The following MRPL15 variants were observed in gnomAD, a reference collection of about 807,000 sequenced individuals.
MRPL15 encodes the protein large ribosomal subunit protein uL15m.
MRPL15 carries 24 observed loss-of-function variants against 28.0 expected under a neutral mutation model. The ratio of observed to expected loss-of-function variants is 0.86; its 90% CI spans 0.62 to 1.21. The LOEUF (loss-of-function observed/expected upper bound fraction) is 1.21. Ranked by LOEUF, MRPL15 falls within the 50% of genes most tolerant of loss-of-function variation. MRPL15 has a pLI of 0.00. For synonymous variants in MRPL15, 124 were observed against 137.0 expected, an observed-to-expected ratio of 0.90 and a Z score of 0.66; for missense variants, 343 against 372.4, an observed-to-expected ratio of 0.92 and a Z score of 0.65.
At chr8:54,147,142 G>T in intron 4 of MRPL15, among the ~76,000 whole-genome samples, 1 of 152,142 alleles carries the variant, frequency 6.6e-6, no homozygotes, top group East Asian at 1.9e-4. Context: ...TGAGGCAGGA[G>T]AATTGCTTGA....
chr8:54,140,794 G>C (rs1469129090), intron 3 of MRPL15, among the ~76,000 whole-genome samples: 1 of 151,358 alleles, frequency 6.6e-6, no homozygotes, highest in Non-Finnish European at 1.5e-5. Context: ...GTGTTAGCCA[G>C]GGTGGTCTTG....
chr8:54,145,790 A>G (rs190746289), intron 4 of MRPL15, among the ~76,000 whole-genome samples: 10 of 152,320 alleles, frequency 6.6e-5, no homozygotes, highest in Non-Finnish European at 7.4e-5. Flanking sequence ...TTTCTTAAAT[A>G]TATTTTGAAG....
intron 2 of MRPL15, among the ~76,000 whole-genome samples, chr8:54,137,054 T>TA (rs1171845174): frequency 2.0e-5 from 3 of 152,178 alleles, no homozygotes; most frequent in Non-Finnish European, 4.4e-5. Flanking sequence ...AGTAAATGCT[T>TA]AGAGAGGGAA....
intron 3 of MRPL15, among the ~76,000 whole-genome samples, chr8:54,139,340 AC>A (rs750574580): frequency 1.7e-3 from 262 of 152,298 alleles, no homozygotes; most frequent in African/African-American, 5.9e-3. Context: ...TGCCAATAAT[AC>A]AGTTGTATAA....
At position 54,135,410 on chromosome 8, in the gene MRPL15, T is replaced by C; in HGVS notation, c.108+19T>C. 2.6e-6 allele frequency: 4 copies of C among 1,523,908 alleles called. No individual in the cohort carries two copies. The East Asian group carries it at 1.1e-4, about 41-fold the overall frequency. The allele number at this position is 1,523,908 out of a possible 1,614,324, so 94.4% of individuals were successfully genotyped here. A position where few individuals can be genotyped will look rare whatever the true frequency, so the allele number is the denominator to read the frequency against. ...GAAACCGGTAAATGGGTGGTGGCGG[T>C]GCGGGGAAGCGCTGGGGACCCGGGC... On this transcript the variant is annotated intron_variant, in intron 1 of 4. Coordinates refer to ENST00000260102, the MANE Select transcript of MRPL15 (RefSeq NM_014175.4).
Position 54,136,571 on chromosome 8 carries a change from A to G in MRPL15, c.169A>G (p.Arg57Gly), listed in dbSNP as rs117264028. Residue 57 changes from arginine to glycine, a missense_variant, in exon 2 of 5, where the codon AGG becomes GGG. Arg to Gly is a moderately radical substitution (Grantham distance 125). Coordinates refer to ENST00000260102, the MANE Select transcript of MRPL15 (RefSeq NM_014175.4). ...ATGTGGCAGAGGCCATAAAGGAGAA[A>G]GGCAAAGAGGAACCCGGCCCCGCTT... ...RKCGRGHKGE[R>G]QRGTRPRLGF... The G allele has an allele frequency of 9.1e-3, 14,638 of 1,614,198 alleles. 88 individuals carry two copies. Among genetic ancestry groups the G allele is most frequent in the East Asian group, 0.02 (909 of 44,884 alleles).
intron 1 of MRPL15, among the ~76,000 whole-genome samples, chr8:54,135,651 A>G (rs1654155475): frequency 7.3e-6 from 1 of 137,646 alleles, no homozygotes; most frequent in Non-Finnish European, 1.5e-5. Flanking sequence ...CAGCCTCCCG[A>G]TTAGCTGGGA....
chr8:54,139,248 C>T (rs1025796546), intron 3 of MRPL15, among the ~76,000 whole-genome samples: 1 of 152,176 alleles, frequency 6.6e-6, no homozygotes, highest in South Asian at 2.1e-4. Flanking sequence ...ATCCGCCTGC[C>T]TCGGCCTCCC....
At chr8:54,143,003 A>G (rs1586218529) in intron 4 of MRPL15, among the ~76,000 whole-genome samples, 1 of 152,156 alleles carries the variant, frequency 6.6e-6, no homozygotes, top group Non-Finnish European at 1.5e-5. Context: ...TGAACTGTAG[A>G]CCTGCATCTG....
At chr8:54,146,367 A>C (rs900720136) in intron 4 of MRPL15, among the ~76,000 whole-genome samples, 4 of 151,022 alleles carry the variant, frequency 2.6e-5, no homozygotes, top group African/African-American at 9.7e-5. Context: ...GAATCACTTG[A>C]GTCTGGGAGG....
In MRPL15 at chr8:54,141,521, A is replaced by G. The variant is rs565107400; in HGVS notation, c.430-1142A>G. 1.3e-5 allele frequency among the ~76,000 whole-genome samples: 2 copies of G among 152,294 alleles called. 1 individual carries two copies. The highest frequency in any genetic ancestry group is 4.1e-4 in the South Asian group (2 of 4,820). On this transcript the variant is annotated intron_variant, in intron 3 of 4. Coordinates refer to ENST00000260102, the MANE Select transcript of MRPL15 (RefSeq NM_014175.4). ...TACACGGATTGAAAATTAGTAAAAC[A>G]AGGTAGCCTAAATAAAATGTTAAAA... is the stretch of plus-strand genomic sequence containing the variant.
intron 4 of MRPL15, among the ~76,000 whole-genome samples, chr8:54,145,583 G>C (rs10216491): frequency 0.38 from 58,082 of 151,614 alleles, 15,527 homozygotes; most frequent in East Asian, 0.72. Flanking sequence ...AAGAAATCCT[G>C]CCACCTAGGC....
At chr8:54,136,015 AG>A (rs1810822980) in intron 1 of MRPL15, among the ~76,000 whole-genome samples, 1 of 152,346 alleles carries the variant, frequency 6.6e-6, no homozygotes, top group East Asian at 1.9e-4. Context: ...AAATAGAGCT[AG>A]AAAAGCTGTT....
In MRPL15 at chr8:54,138,610, C is replaced by T. The variant is rs189618103; in HGVS notation, c.429+1177C>T. 2.7e-3 allele frequency among the ~76,000 whole-genome samples: 409 copies of T among 151,862 alleles called. 2 individuals carry two copies. The highest frequency in any genetic ancestry group is 9.0e-3 in the African/African-American group (373 of 41,414). On this transcript the variant is annotated intron_variant, in intron 3 of 4. Coordinates refer to ENST00000260102, the MANE Select transcript of MRPL15 (RefSeq NM_014175.4). ...CTGGGATTACAGATGTGAGCCACCC[C>T]GCCTGGCCAGGAAGGTCTTTTTTGA...
At chr8:54,140,550 C>T (rs1001921941) in intron 3 of MRPL15, among the ~76,000 whole-genome samples, 7 of 146,904 alleles carry the variant, frequency 4.8e-5, no homozygotes, top group African/African-American at 1.3e-4. Context: ...TCACCGCACC[C>T]GGCCTAGAAC....
intron 3 of MRPL15, 54 bp downstream of exon 3, chr8:54,137,487 A>G (rs7830051): frequency 0.22 from 345,731 of 1,548,078 alleles, 54,863 homozygotes; most frequent in East Asian, 0.7. Flanking sequence ...TTTTTTAGAC[A>G]GAGTCTTGCC....
In MRPL15 at chr8:54,148,140, A is replaced by G. The variant is rs545890132; in HGVS notation, c.*421A>G. Among the ~76,000 whole-genome samples the G allele has an allele frequency of 2.0e-5, 3 of 152,344 alleles. No individual in the cohort carries two copies. The South Asian group carries it at 6.2e-4, about 32-fold the overall frequency. On this transcript the variant is annotated 3_prime_UTR_variant, in exon 5 of 5. Transcript: ENST00000260102. ...GTGACCCCTCTTAATCTGTAGCCTC[A>G]GGGAAACACGGCTACCCAATGCCAA...
intron 3 of MRPL15, among the ~76,000 whole-genome samples, chr8:54,138,201 A>T (rs1586215881): frequency 7.1e-6 from 1 of 140,254 alleles, no homozygotes. Context: ...TGATCCACCC[A>T]CCTTGGCCTC....
At chr8:54,135,784 A>C (rs536705434) in intron 1 of MRPL15, among the ~76,000 whole-genome samples, 1 of 151,776 alleles carries the variant, frequency 6.6e-6, no homozygotes, top group Non-Finnish European at 1.5e-5. Flanking sequence ...CGGCCTCCCA[A>C]AGTGCTGGGA....
Sources: gnomAD v4.1 joint callset for allele counts (sites outside exome capture counted in the v4.1 genomes callset) on GRCh38, gnomAD v4.1.1 for gene constraint, MANE v1.5 for transcripts, NCBI Gene and HGNC (gene_info 2026-07-23, HGNC 2026-07-21) for gene names.